LAMA4: variants seen among roughly 807,000 people sequenced by gnomAD.
The protein encoded by LAMA4 is laminin subunit alpha-4.
A neutral mutation model predicts 207.1 loss-of-function variants in LAMA4; 127 were observed. The ratio of observed to expected loss-of-function variants is 0.61; its 90% CI spans 0.53 to 0.71. LAMA4 has a LOEUF of 0.71. Ranked by LOEUF, LAMA4 falls within the 30% of genes least tolerant of loss-of-function variation. The pLI is 0.00. For synonymous variants in LAMA4, 761 were observed against 816.0 expected (o/e 0.93, Z 1.15); for missense variants, 2,093 against 2,246.5 (o/e 0.93, Z 1.38).
At chr6:112,143,332 C>A (rs996816261) in intron 19 of LAMA4, among the ~76,000 whole-genome samples, 2 of 149,468 alleles carry the variant, frequency 1.3e-5, no homozygotes, top group African/African-American at 5.0e-5. Context: ...TCACCCAGGC[C>A]GGAGTGCAGT....
chr6:112,136,898 C>G (rs1438163836), intron 24 of LAMA4, among the ~76,000 whole-genome samples: 1 of 152,000 alleles, frequency 6.6e-6, no homozygotes, highest in South Asian at 2.1e-4. Context: ...TATTCAACTG[C>G]CTTGTCTTTA....
intron 2 of LAMA4, among the ~76,000 whole-genome samples, chr6:112,239,321 C>CAAAA (rs1202967086): frequency 6.9e-4 from 54 of 77,754 alleles, no homozygotes; most frequent in Non-Finnish European, 1.1e-3. Context: ...GACTCCATCT[C>CAAAA]AAAAAAAAAA....
chr6:112,253,552 C>T, intron 2 of LAMA4: 1 of 569,248 alleles, frequency 1.8e-6, no homozygotes, highest in Non-Finnish European at 3.2e-6. Context: ...GTAGTGTTCC[C>T]ACTGTCCTAA....
At chr6:112,166,365 A>G (rs899159376) in intron 12 of LAMA4, 7 of 152,238 alleles carry the variant, frequency 4.6e-5, no homozygotes, top group African/African-American at 1.7e-4. Flanking sequence ...CAAGCCTAAT[A>G]CAGTGTGACT....
At position 112,108,531 on chromosome 6, in the gene LAMA4, C is replaced by G. The variant is rs113422687; in HGVS notation, c.*906G>C. The stretch of plus-strand genomic sequence containing the variant: ...AACTCCTGAGCTTAAGCGATCCTCC[C>G]GTCTCAGCCTCCCAAGTAGCTGGGA... On this transcript the variant is annotated 3_prime_UTR_variant, in exon 39 of 39. Coordinates refer to ENST00000230538, the MANE Select transcript of LAMA4 (RefSeq NM_001105206.3). 9.4e-4 allele frequency among the ~76,000 whole-genome samples: 143 copies of G among 152,144 alleles called. No homozygotes were observed. Among genetic ancestry groups the G allele is most frequent in the African/African-American group, 3.4e-3 (140 of 41,510 alleles).
chr6:112,155,880 G>A, intron 14 of LAMA4, 174 bp from the exon 15 acceptor site: 1 of 717,186 alleles, frequency 1.4e-6, no homozygotes, highest in Non-Finnish European at 2.4e-6. Context: ...GCATTCTTCT[G>A]TCTTTGCTGA....
At chr6:112,220,389 G>T (rs2157547) in intron 2 of LAMA4, among the ~76,000 whole-genome samples, 1 of 152,038 alleles carries the variant, frequency 6.6e-6, no homozygotes, top group East Asian at 1.9e-4. Context: ...GGTCTGGCTT[G>T]GAGTAAAATC....
In LAMA4 at chr6:112,191,641, C is replaced by G. The variant is rs1172245542; in HGVS notation, c.713G>C (p.Cys238Ser). 1 of 1,612,838 alleles carries G rather than the reference C, an allele frequency of 6.2e-7. No individual in the cohort carries two copies. The highest frequency in any genetic ancestry group is 1.7e-5 in the Admixed American group (1 of 60,020). The change falls in exon 6 of 39, where the codon TGT (cysteine) becomes TCT (serine). Residue 238 changes from cysteine (C) to serine (S), a missense_variant. Physicochemically the swap from Cys to Ser is moderately radical, Grantham distance 112 (BLOSUM62 -1). Around this residue, in one of 3 missense-constraint regions of LAMA4, gnomAD observed 1,704 missense variants for 1,788.4 expected, o/e 0.95. Transcript: ENST00000230538. ...TAGTATTTATGATACTGCACCTGCA[C>G]AGTTCTTGGCTATCCTGGCGTCCCC... ...YYGDARIAKN[C>S]AVCNCGGGPC...
intron 5 of LAMA4, among the ~76,000 whole-genome samples, chr6:112,194,941 C>T (rs1378773693): frequency 6.6e-6 from 1 of 152,136 alleles, no homozygotes; most frequent in Non-Finnish European, 1.5e-5. Flanking sequence ...AGGATTGTGG[C>T]ATATGAACTT....
At chr6:112,187,913 C>T (rs1209295586) in intron 7 of LAMA4, among the ~76,000 whole-genome samples, 1 of 152,202 alleles carries the variant, frequency 6.6e-6, no homozygotes, top group Non-Finnish European at 1.5e-5. Flanking sequence ...ATGAACACTT[C>T]AGCACCGGGA....
intron 32 of LAMA4, 122 bp from the exon 33 acceptor site, chr6:112,120,594 A>G (rs1554325903): frequency 1.3e-6 from 1 of 750,956 alleles, no homozygotes; most frequent in African/African-American, 1.7e-5. Context: ...AATCCCAAGC[A>G]ACATTATTCC....
At chr6:112,147,957 G>A (rs575623467) in intron 18 of LAMA4, among the ~76,000 whole-genome samples, 200 bp downstream of exon 18, 1 of 152,246 alleles carries the variant, frequency 6.6e-6, no homozygotes, top group South Asian at 2.1e-4. Context: ...CGAAATATAT[G>A]TATGTTTCTC....
chr6:112,160,368 C>T (rs1460126136), intron 13 of LAMA4, among the ~76,000 whole-genome samples: 7 of 152,114 alleles, frequency 4.6e-5, no homozygotes, highest in Non-Finnish European at 8.8e-5. Context: ...TTGGTAACCC[C>T]GTTATTCATT....
chr6:112,253,536 C>A (rs1301320790), intron 2 of LAMA4: 5 of 515,916 alleles, frequency 9.7e-6, no homozygotes, highest in East Asian at 3.6e-5. Flanking sequence ...ACAAAAAGAT[C>A]CTGCAGTAGT....
At chr6:112,242,307 T>A (rs1406734284) in intron 2 of LAMA4, among the ~76,000 whole-genome samples, 1 of 152,190 alleles carries the variant, frequency 6.6e-6, no homozygotes, top group East Asian at 1.9e-4. Flanking sequence ...TTGAGGCTTG[T>A]GTTTTATTCT....
At position 112,117,258 on chromosome 6, in the gene LAMA4, A is replaced by G. The variant is rs1778074394; in HGVS notation, c.4981+481T>C. On this transcript the variant is annotated intron_variant, in intron 35 of 38. Transcript: ENST00000230538. The surrounding 1 kb of genome is among the most constrained non-coding windows in gnomAD (Gnocchi z 4.5). The stretch of plus-strand genomic sequence containing the variant: ...GACTGCCTTATGGGAGGCATACAAT[A>G]AAAACTGAATGAGTGAGGGAGTAAT... Among the ~76,000 whole-genome samples the G allele has an allele frequency of 6.6e-6, 1 of 152,204 alleles. No individual in the cohort carries two copies. The highest frequency in any genetic ancestry group is 1.5e-5 in the Non-Finnish European group (1 of 68,030).
At chr6:112,229,046 CA>C in intron 2 of LAMA4, among the ~76,000 whole-genome samples, 1 of 152,212 alleles carries the variant, frequency 6.6e-6, no homozygotes, top group East Asian at 1.9e-4. Context: ...TTCAAATAAT[CA>C]AGTTGCCTTT....
intron 2 of LAMA4, among the ~76,000 whole-genome samples, chr6:112,232,995 A>G: frequency 6.6e-6 from 1 of 152,224 alleles, no homozygotes; most frequent in South Asian, 2.1e-4. Flanking sequence ...GACTTGTTCC[A>G]ATATAAACAT....
chr6:112,132,976 C>A (rs915012970), intron 27 of LAMA4, 86 bp from the exon 28 acceptor site: 6 of 1,376,334 alleles, frequency 4.4e-6, no homozygotes, highest in Non-Finnish European at 6.2e-6. Flanking sequence ...GAAGGCCTTG[C>A]CTGTTAATTT....
Sources: allele counts gnomAD v4.1 joint callset (sites outside exome capture counted in the v4.1 genomes callset), GRCh38; gene constraint gnomAD v4.1.1; regional missense constraint gnomAD v4.1.1; non-coding constraint Gnocchi (gnomAD v3.1); transcripts MANE v1.5; gene names NCBI Gene and HGNC (gene_info 2026-07-23, HGNC 2026-07-21).